Variants in DMD observed in about 807,000 individuals in gnomAD.
DMD encodes dystrophin, also known as mutant dystrophin.
A neutral mutation model predicts 330.1 loss-of-function variants in DMD; 63 were observed. The observed-to-expected ratio is 0.19, with a 90% CI of 0.16 to 0.24. The LOEUF is 0.24. Ranked by LOEUF, DMD falls within the 10% of genes least tolerant of loss-of-function variation. The pLI is 1.00. For missense variants in DMD, 3,344 were observed against 2,684.1 expected, an observed-to-expected ratio of 1.25 and a Z score of -5.43; for synonymous variants, 1,223 against 959.8, an observed-to-expected ratio of 1.27 and a Z score of -5.07.
chrX:32,044,429 A>AAT lies in DMD; in HGVS notation c.6439-75916_6439-75915insAT, dbSNP rs1557091166. 9.6e-3 allele frequency among the ~76,000 whole-genome samples: 1,012 copies of AAT among 104,901 alleles called. 20 individuals carry two copies. Among genetic ancestry groups the AAT allele is most frequent in the Middle Eastern group, 0.024 (5 of 209 alleles). 91.1% of individuals were successfully genotyped at this position (104,901 alleles called of 115,157 possible). Reference sequence around the variant, plus strand: ...TATTATTTATTTATTTATTTATTTAATTTTTTTTTTGAGATGAAGTCTCGC... The same window carrying AAT: ...TATTATTTATTTATTTATTTATTTAAATTTTTTTTTTTGAGATGAAGTCTCGC... On this transcript the variant is annotated intron_variant, in intron 44 of 78. Coordinates refer to ENST00000357033, the MANE Select transcript of DMD (RefSeq NM_004006.3).
rs200080398 is a variant in DMD at position 32,007,214 on chromosome X, T to TATAATA, written c.6439-38706_6439-38701dup. ...TGCACATGTACCCTAAAACTTAAAG[T>TATAATA]ATAATAATAATAATAATAATAATAA... On this transcript the variant is annotated intron_variant, in intron 44 of 78. Coordinates refer to ENST00000357033, the MANE Select transcript of DMD (RefSeq NM_004006.3). Among the ~76,000 whole-genome samples the TATAATA allele has an allele frequency of 5.8e-3, 549 of 94,437 alleles. 3 individuals carry two copies. The highest frequency in any genetic ancestry group is 0.012 in the South Asian group (22 of 1,784). 82.0% of individuals were successfully genotyped at this position (94,437 alleles called of 115,157 possible). A position where few individuals can be genotyped will look rare whatever the true frequency, so the allele number is the denominator to read the frequency against.
At chrX:32,757,142 A>T (rs2068959021) in intron 7 of DMD, among the ~76,000 whole-genome samples, 1 of 111,736 alleles carries the variant, frequency 8.9e-6, no homozygotes, top group Non-Finnish European at 1.9e-5. Flanking sequence ...CAATCAAGCC[A>T]ATTGATATAT....
chrX:32,545,998 T>G (rs1469691651), intron 16 of DMD, among the ~76,000 whole-genome samples: 1 of 108,640 alleles, frequency 9.2e-6, no homozygotes, highest in African/African-American at 3.4e-5. Context: ...TTCAAATATT[T>G]GAGTTCCCAT....
intron 47 of DMD, among the ~76,000 whole-genome samples, chrX:31,897,226 C>T (rs1162226163): frequency 5.4e-5 from 6 of 111,695 alleles, no homozygotes; most frequent in Admixed American, 9.5e-5. Context: ...TCCAATTTCA[C>T]CCATGTGCCT....
intron 18 of DMD, among the ~76,000 whole-genome samples, chrX:32,508,779 T>G (rs2044915955): frequency 1.8e-5 from 2 of 111,958 alleles, no homozygotes; most frequent in African/African-American, 3.3e-5. Flanking sequence ...TAAAGGTAAC[T>G]TCAATAATCT....
chrX:31,895,585 G>C (rs1194094940), intron 47 of DMD, among the ~76,000 whole-genome samples: 1 of 111,528 alleles, frequency 9.0e-6, no homozygotes, highest in Non-Finnish European at 1.9e-5. Flanking sequence ...ATGGAGTTTT[G>C]AACTTATTCT....
intron 1 of DMD, among the ~76,000 whole-genome samples, chrX:33,265,071 A>T (rs953580389): frequency 9.0e-6 from 1 of 111,185 alleles, no homozygotes; most frequent in Non-Finnish European, 1.9e-5. Flanking sequence ...GAGAACAAAG[A>T]TGATGTACCT....
chrX:31,654,269 T>C (rs1043986689), intron 54 of DMD, among the ~76,000 whole-genome samples: 1 of 111,563 alleles, frequency 9.0e-6, no homozygotes, highest in African/African-American at 3.3e-5. Context: ...TTTGCCTAGG[T>C]TTCTCCATGT....
chrX:32,949,511 T>G (rs2061757090), intron 2 of DMD, among the ~76,000 whole-genome samples: 1 of 111,105 alleles, frequency 9.0e-6, no homozygotes, highest in Non-Finnish European at 1.9e-5. Context: ...AAGGACATTC[T>G]GTTCTTTTCC....
intron 52 of DMD, among the ~76,000 whole-genome samples, chrX:31,725,595 T>C (rs2085973233): frequency 8.9e-6 from 1 of 112,205 alleles, no homozygotes; most frequent in Non-Finnish European, 1.9e-5. Flanking sequence ...AGTGAGCCTA[T>C]TTTACAGAGA....
intron 22 of DMD, among the ~76,000 whole-genome samples, chrX:32,470,923 T>C (rs750509735): frequency 8.9e-6 from 1 of 112,201 alleles, no homozygotes; most frequent in Non-Finnish European, 1.9e-5. Context: ...ATATAACTAA[T>C]ACGTTTTCAT....
chrX:32,826,261 T>G (rs888510844), intron 4 of DMD, among the ~76,000 whole-genome samples: 4 of 111,954 alleles, frequency 3.6e-5, no homozygotes, highest in African/African-American at 1.3e-4. Context: ...ATTGTAGTCA[T>G]GAAAAACAGT....
intron 11 of DMD, among the ~76,000 whole-genome samples, chrX:32,637,453 T>C (rs760637406): frequency 8.9e-6 from 1 of 112,108 alleles, no homozygotes; most frequent in African/African-American, 3.2e-5. Flanking sequence ...TAATTTGAAT[T>C]GTTCCAACCC....
At chrX:33,216,256 G>A (rs2052051450), upstream of DMD, among the ~76,000 whole-genome samples, 1 of 111,607 alleles carries the variant, frequency 9.0e-6, no homozygotes, top group African/African-American at 3.3e-5. Context: ...TTGGTTAGCT[G>A]CATGGTCATG....
At chrX:32,190,501 G>C (rs2147583252) in intron 44 of DMD, among the ~76,000 whole-genome samples, 1 of 98,819 alleles carries the variant, frequency 1.0e-5, no homozygotes, top group South Asian at 4.7e-4. Flanking sequence ...AAGAGTCTCT[G>C]TGTTTCATAA....
At chrX:31,339,288 C>T (rs902087399) in intron 61 of DMD, among the ~76,000 whole-genome samples, 5 of 111,662 alleles carry the variant, frequency 4.5e-5, no homozygotes, top group African/African-American at 1.6e-4. Context: ...GAGAAAAGGG[C>T]CATGACAACA....
chrX:31,468,153 G>A (rs1180025704), intron 59 of DMD, among the ~76,000 whole-genome samples: 1 of 111,672 alleles, frequency 9.0e-6, no homozygotes, highest in African/African-American at 3.3e-5. Context: ...GATTTCTCAT[G>A]TCTCTATCTC....
chrX:33,061,637 A>T (rs1407252026), intron 1 of DMD, among the ~76,000 whole-genome samples: 1 of 111,787 alleles, frequency 8.9e-6, no homozygotes, highest in African/African-American at 3.3e-5. Flanking sequence ...TATAAGCAGA[A>T]ATAATTCCAT....
chrX:32,768,176 G>C (rs1394200486), intron 7 of DMD, among the ~76,000 whole-genome samples: 1 of 111,734 alleles, frequency 8.9e-6, no homozygotes, highest in Non-Finnish European at 1.9e-5. Flanking sequence ...GTTAAAAAAT[G>C]AATATGCTAT....
Sources: allele counts gnomAD v4.1 joint callset (sites outside exome capture counted in the v4.1 genomes callset), GRCh38; gene constraint gnomAD v4.1.1; transcripts MANE v1.5; gene names NCBI Gene and HGNC (gene_info 2026-07-23, HGNC 2026-07-21).